KCTD8: variants seen among roughly 807,000 people sequenced by gnomAD.
The protein encoded by KCTD8 is potassium channel tetramerization domain containing 8.
A neutral mutation model predicts 31.5 loss-of-function variants in KCTD8; 27 were observed. The ratio of observed to expected loss-of-function variants is 0.86; its 90% confidence interval spans 0.63 to 1.18. KCTD8 has a LOEUF of 1.18. Among genes scored for constraint, KCTD8 ranks in the 50% most tolerant of loss-of-function variants. KCTD8 has a pLI of 0.00. For missense variants in KCTD8, 658 were observed against 647.7 expected (o/e 1.02, Z -0.17); for synonymous variants, 290 against 280.0 (o/e 1.04, Z -0.36).
At position 44,361,696 on chromosome 4, in the gene KCTD8, T is replaced by C. The variant is rs183727851; in HGVS notation, c.961+85867A>G. Among the ~76,000 whole-genome samples, 939 of 152,180 alleles carry C rather than the reference T, an allele frequency of 6.2e-3. 7 individuals are homozygous for C. The highest frequency in any genetic ancestry group is 0.023 in the South Asian group (110 of 4,830). On this transcript the variant is annotated intron_variant, in intron 1 of 1. Coordinates refer to ENST00000360029, the MANE Select transcript of KCTD8 (RefSeq NM_198353.3). ...ACTAAATTTTGCCAATTTTTAATGA[T>C]TTAATGAGAAAAAGATTGATCTCTA...
intron 1 of KCTD8, among the ~76,000 whole-genome samples, chr4:44,325,078 C>T (rs1170730829): frequency 6.6e-6 from 1 of 151,968 alleles, no homozygotes; most frequent in Non-Finnish European, 1.5e-5. Context: ...CTACGTGTTG[C>T]TTAACTCCAA....
chr4:44,379,650 G>A (rs569127373), intron 1 of KCTD8, among the ~76,000 whole-genome samples: 1 of 152,234 alleles, frequency 6.6e-6, no homozygotes, highest in Admixed American at 6.5e-5. Flanking sequence ...ACAGTTTACT[G>A]TAAAATAACT....
intron 1 of KCTD8, among the ~76,000 whole-genome samples, chr4:44,283,284 A>T (rs1488290388): frequency 6.6e-6 from 1 of 152,038 alleles, no homozygotes; most frequent in Non-Finnish European, 1.5e-5. Context: ...TCCTGACCTC[A>T]GGTGATCTGC....
At chr4:44,361,581 A>G (rs1266604720) in intron 1 of KCTD8, among the ~76,000 whole-genome samples, 2 of 152,120 alleles carry the variant, frequency 1.3e-5, no homozygotes, top group Admixed American at 1.3e-4. Flanking sequence ...AGACAATAAT[A>G]ATTTTTAAAT....
chr4:44,321,305 G>C (rs1055462114), intron 1 of KCTD8, among the ~76,000 whole-genome samples: 2 of 152,108 alleles, frequency 1.3e-5, no homozygotes, highest in Non-Finnish European at 2.9e-5. Flanking sequence ...GATATCATTT[G>C]TTGACTTAAC....
chr4:44,238,815 AAC>A, intron 1 of KCTD8, among the ~76,000 whole-genome samples: 1 of 152,358 alleles, frequency 6.6e-6, no homozygotes, highest in East Asian at 1.9e-4. Flanking sequence ...CACAGGAATT[AAC>A]ATAGTAGCAT....
In KCTD8 at chr4:44,342,366, C is replaced by CAAAAA. The variant is rs34201696; in HGVS notation, c.961+105192_961+105196dup. ...CCTGGGCTAATGAGCAAGACTGTCT[C>CAAAAA]AAAAAAAAAAAAAAAAAAAAAGAAA... On this transcript the variant is annotated intron_variant, in intron 1 of 1. Transcript: ENST00000360029. Among the ~76,000 whole-genome samples the CAAAAA allele has an allele frequency of 2.5e-4, 22 of 87,350 alleles. 1 individual carries two copies. The highest frequency in any genetic ancestry group is 3.1e-4 in the East Asian group (1 of 3,276). The allele number at this position is 87,350 out of a possible 152,430, so 57.3% of individuals were successfully genotyped here.
At chr4:44,396,176 C>T (rs1720500121) in intron 1 of KCTD8, among the ~76,000 whole-genome samples, 1 of 152,062 alleles carries the variant, frequency 6.6e-6, no homozygotes, top group Non-Finnish European at 1.5e-5. Flanking sequence ...CCCTCGCAGG[C>T]ACAGTTCACA....
chr4:44,404,293 T>C (rs562847698), intron 1 of KCTD8, among the ~76,000 whole-genome samples: 32 of 152,186 alleles, frequency 2.1e-4, no homozygotes, highest in Non-Finnish European at 3.8e-4. Context: ...CATTCAACTG[T>C]CCTTAAAGTC....
intron 1 of KCTD8, among the ~76,000 whole-genome samples, chr4:44,378,365 C>T (rs1469778640): frequency 6.6e-6 from 1 of 150,790 alleles, no homozygotes; most frequent in Non-Finnish European, 1.5e-5. Flanking sequence ...ATGTAAATGA[C>T]AAATTAATGG....
At chr4:44,320,407 G>C (rs1302001264) in intron 1 of KCTD8, among the ~76,000 whole-genome samples, 1 of 151,914 alleles carries the variant, frequency 6.6e-6, no homozygotes, top group Non-Finnish European at 1.5e-5. Flanking sequence ...GGATATTTTG[G>C]AATTTTCTTC....
intron 1 of KCTD8, among the ~76,000 whole-genome samples, chr4:44,248,460 A>G (rs77173959): frequency 0.032 from 4,876 of 151,722 alleles, 204 homozygotes; most frequent in African/African-American, 0.087. Flanking sequence ...ACCAAAAAAA[A>G]AAAGAAAGAA....
At position 44,224,219 on chromosome 4, in the gene KCTD8, T is replaced by C. The variant is rs1183382620; in HGVS notation, c.962-48969A>G. Among the ~76,000 whole-genome samples, 4 of 152,210 alleles carry C rather than the reference T, an allele frequency of 2.6e-5. No individual in the cohort carries two copies. In the East Asian group the frequency reaches 5.8e-4, roughly 22 times the overall value. ...TACTGCCTTATGAATAAAATATACATACTTATTCTGGTACTCAAAAGCCTC... is the reference window on the plus strand; with the variant it reads ...TACTGCCTTATGAATAAAATATACACACTTATTCTGGTACTCAAAAGCCTC... On this transcript the variant is annotated intron_variant, in intron 1 of 1. Coordinates refer to ENST00000360029, the MANE Select transcript of KCTD8 (RefSeq NM_198353.3).
chr4:44,425,637 G>A (rs114460490), intron 1 of KCTD8, among the ~76,000 whole-genome samples: 16 of 152,102 alleles, frequency 1.1e-4, no homozygotes, highest in African/African-American at 3.6e-4. Flanking sequence ...AATACCAGTA[G>A]TTTCTGGTTA....
intron 1 of KCTD8, among the ~76,000 whole-genome samples, chr4:44,439,909 T>TTTAC (rs1213532079): frequency 1.9e-4 from 22 of 118,828 alleles, no homozygotes; most frequent in Non-Finnish European, 3.3e-4. Context: ...TTTTTATTTA[T>TTTAC]TTATTTATTT....
chr4:44,379,233 G>A (rs532517378), intron 1 of KCTD8, among the ~76,000 whole-genome samples: 2 of 152,142 alleles, frequency 1.3e-5, no homozygotes, highest in South Asian at 2.1e-4. Flanking sequence ...AATCTATCCA[G>A]GGGGCAATTG....
chr4:44,218,124 C>CTTT lies in KCTD8; in HGVS notation c.962-42877_962-42875dup, dbSNP rs570521203. Among the ~76,000 whole-genome samples, 39 of 91,534 alleles carry CTTT rather than the reference C, an allele frequency of 4.3e-4. 2 individuals are homozygous for CTTT. The highest frequency in any genetic ancestry group is 1.3e-3 in the African/African-American group (26 of 19,684). 60.0% of individuals were successfully genotyped at this position (91,534 alleles called of 152,430 possible). ...GTAACACTGTACATTTTAAAATGTC[C>CTTT]TTTTTTTTTTTTTTTTTTTTTTTTT... is the stretch of plus-strand genomic sequence containing the variant. On this transcript the variant is annotated intron_variant, in intron 1 of 1. Coordinates refer to ENST00000360029, the MANE Select transcript of KCTD8 (RefSeq NM_198353.3).
At chr4:44,367,226 C>T (rs1196789593) in intron 1 of KCTD8, among the ~76,000 whole-genome samples, 3 of 152,158 alleles carry the variant, frequency 2.0e-5, no homozygotes, top group Non-Finnish European at 4.4e-5. Context: ...ACCTCCCTTA[C>T]TAGTAGAAAT....
At chr4:44,259,629 T>C (rs1432476801) in intron 1 of KCTD8, among the ~76,000 whole-genome samples, 2 of 151,974 alleles carry the variant, frequency 1.3e-5, no homozygotes. Flanking sequence ...GTAAAGTAGC[T>C]TTTTGCTAAC....
Sources: allele counts gnomAD v4.1 joint callset (sites outside exome capture counted in the v4.1 genomes callset), GRCh38; gene constraint gnomAD v4.1.1; transcripts MANE v1.5; gene names NCBI Gene and HGNC (gene_info 2026-07-23, HGNC 2026-07-21).